Variants in TRPM3 observed in about 807,000 individuals in gnomAD.
The protein encoded by TRPM3 is long transient receptor potential channel 3.
In TRPM3, 77 loss-of-function variants were observed where a neutral mutation model predicts 181.2. The ratio of observed to expected loss-of-function variants is 0.42; its 90% CI spans 0.35 to 0.51. TRPM3 has a LOEUF of 0.51. TRPM3 is among the 20% of genes least tolerant of loss of function. TRPM3 has a pLI of 0.01. For missense variants in TRPM3, 1,759 were observed against 2,196.7 expected, an observed-to-expected ratio of 0.80 and a Z score of 3.98; for synonymous variants, 745 against 796.4, an observed-to-expected ratio of 0.94 and a Z score of 1.09.
chr9:71,011,702 G>A (rs2097742104), intron 1 of TRPM3, among the ~76,000 whole-genome samples: 1 of 149,514 alleles, frequency 6.7e-6, no homozygotes, highest in Non-Finnish European at 1.5e-5. Flanking sequence ...TTACTTAATT[G>A]CATCTTGATT....
At chr9:71,196,766 T>C (rs1419837342) in intron 1 of TRPM3, among the ~76,000 whole-genome samples, 5 of 152,066 alleles carry the variant, frequency 3.3e-5, no homozygotes, top group African/African-American at 1.2e-4. Context: ...CAAAGAAAAC[T>C]AGGATATGAA....
At chr9:71,379,606 G>A (rs1385860451) in intron 1 of TRPM3, among the ~76,000 whole-genome samples, 2 of 152,052 alleles carry the variant, frequency 1.3e-5, no homozygotes, top group East Asian at 1.9e-4. Flanking sequence ...TCTGGTGTGG[G>A]CTCTGAATGA....
chr9:71,340,664 G>A lies in TRPM3; in HGVS notation c.183+105989C>T, dbSNP rs149559256. On this transcript the variant is annotated intron_variant, in intron 1 of 24. Coordinates refer to the TRPM3 transcript ENST00000357533. ...TTAGAAATTGCCCAGTCTTGGGTAT[G>A]TCTTTATCAGCAGTGTGAAAACCGA... 4.0e-3 allele frequency among the ~76,000 whole-genome samples: 603 copies of A among 152,190 alleles called. 1 individual carries two copies. The highest frequency in any genetic ancestry group is 0.02 in the Middle Eastern group (6 of 294).
chr9:70,838,340 G>T (rs1260411774), intron 5 of TRPM3, among the ~76,000 whole-genome samples: 3 of 152,138 alleles, frequency 2.0e-5, no homozygotes, highest in African/African-American at 7.2e-5. Flanking sequence ...AGGTGATCAG[G>T]TCATGAGGGC....
At chr9:70,602,229 CAAGAG>C (rs886128094) in intron 20 of TRPM3, among the ~76,000 whole-genome samples, 2 of 149,486 alleles carry the variant, frequency 1.3e-5, no homozygotes, top group African/African-American at 2.5e-5. Flanking sequence ...TTTAAAAACT[CAAGAG>C]AAGGGCTTAA....
At chr9:71,284,941 A>G (rs1195978900) in intron 1 of TRPM3, among the ~76,000 whole-genome samples, 1 of 152,236 alleles carries the variant, frequency 6.6e-6, no homozygotes, top group African/African-American at 2.4e-5. Context: ...TTTGTTCAAA[A>G]TAACTTTTAT....
At chr9:70,865,179 G>A (rs1477016940) in intron 1 of TRPM3, among the ~76,000 whole-genome samples, 1 of 151,998 alleles carries the variant, frequency 6.6e-6, no homozygotes, top group East Asian at 1.9e-4. Flanking sequence ...CCCTTCAGCA[G>A]AGCATATACA....
chr9:70,540,773 C>T (rs1024455761), intron 25 of TRPM3, among the ~76,000 whole-genome samples: 6 of 152,084 alleles, frequency 3.9e-5, no homozygotes, highest in Non-Finnish European at 5.9e-5. Context: ...CCCAGGCTGG[C>T]GTGCAGTGGC....
chr9:70,793,783 C>T (rs1463412163), intron 6 of TRPM3: 16 of 386,382 alleles, frequency 4.1e-5, no homozygotes, highest in Non-Finnish European at 7.1e-5. Flanking sequence ...AAAAGTGATA[C>T]ATATTTAGTA....
chr9:71,196,565 T>C (rs933216143), intron 1 of TRPM3, among the ~76,000 whole-genome samples: 3 of 151,956 alleles, frequency 2.0e-5, no homozygotes, highest in East Asian at 1.9e-4. Flanking sequence ...TCCCTGTGAA[T>C]TGACCTGTTC....
At chr9:71,370,888 CTT>C (rs2092488356) in intron 1 of TRPM3, among the ~76,000 whole-genome samples, 1 of 152,256 alleles carries the variant, frequency 6.6e-6, no homozygotes, top group African/African-American at 2.4e-5. Context: ...CAGCTGATGA[CTT>C]TAACTTGAAG....
chr9:71,199,364 G>T (rs1440868884), intron 1 of TRPM3, among the ~76,000 whole-genome samples: 2 of 152,130 alleles, frequency 1.3e-5, no homozygotes, highest in South Asian at 2.1e-4. Flanking sequence ...CCTGGCTTTG[G>T]TATCAGAATG....
intron 8 of TRPM3, among the ~76,000 whole-genome samples, chr9:70,740,304 C>T (rs913312166): frequency 6.6e-6 from 1 of 152,110 alleles, no homozygotes; most frequent in Admixed American, 6.6e-5. Context: ...CAAAACACCG[C>T]TGAAAGAAAT....
chr9:70,693,561 T>C (rs1046895557), intron 8 of TRPM3, among the ~76,000 whole-genome samples: 13 of 152,214 alleles, frequency 8.5e-5, no homozygotes, highest in African/African-American at 1.9e-4. Flanking sequence ...TGTCAGGACA[T>C]CAAATACTTC....
intron 1 of TRPM3, among the ~76,000 whole-genome samples, chr9:71,065,961 A>G (rs897855290): frequency 2.6e-5 from 4 of 152,164 alleles, no homozygotes; most frequent in African/African-American, 9.7e-5. Context: ...ATGCAGACAT[A>G]AAACTGAACC....
intron 1 of TRPM3, among the ~76,000 whole-genome samples, chr9:71,107,993 T>C (rs960524854): frequency 3.9e-5 from 6 of 152,154 alleles, no homozygotes; most frequent in African/African-American, 1.4e-4. Flanking sequence ...GGTGAAACCA[T>C]GAACAATGGG....
At chr9:70,820,486 C>T (rs1469340813) in intron 6 of TRPM3, among the ~76,000 whole-genome samples, 1 of 152,164 alleles carries the variant, frequency 6.6e-6, no homozygotes, top group African/African-American at 2.4e-5. Flanking sequence ...ACCTTGGCCT[C>T]CCAAAGTGCT....
chr9:70,698,026 G>A (rs1223040598), intron 8 of TRPM3, among the ~76,000 whole-genome samples: 1 of 152,006 alleles, frequency 6.6e-6, no homozygotes, highest in Admixed American at 6.6e-5. Context: ...TAGCCAACAT[G>A]GTGAAACCCC....
intron 1 of TRPM3, among the ~76,000 whole-genome samples, chr9:71,344,083 TCATTA>T (rs1350832162): frequency 3.4e-4 from 51 of 151,218 alleles, no homozygotes. Flanking sequence ...GAGGGAATCT[TCATTA>T]CATAAGATGA....
Sources: gnomAD v4.1 joint callset for allele counts (sites outside exome capture counted in the v4.1 genomes callset) on GRCh38, gnomAD v4.1.1 for gene constraint, MANE v1.5 for transcripts, NCBI Gene and HGNC (gene_info 2026-07-23, HGNC 2026-07-21) for gene names.